Variants in PRELID2 observed in about 807,000 individuals in gnomAD.
PRELID2 encodes PRELI domain containing 2, also known as PRELI domain-containing protein 2.
PRELID2 carries 25 observed loss-of-function variants against 28.4 expected under a neutral mutation model. The ratio of observed to expected loss-of-function variants is 0.88; its 90% confidence interval spans 0.64 to 1.23. PRELID2 has a LOEUF of 1.23. Ranked by LOEUF, PRELID2 falls within the 50% of genes most tolerant of loss-of-function variation. The probability of loss-of-function intolerance (pLI) is 0.00; values close to 1 mark genes in which losing one functional copy is unlikely to be tolerated. For missense variants in PRELID2, 201 were observed against 214.4 expected, an observed-to-expected ratio of 0.94 and a Z score of 0.39; for synonymous variants, 76 against 71.6, an observed-to-expected ratio of 1.06 and a Z score of -0.31.
intron 1 of PRELID2, among the ~76,000 whole-genome samples, chr5:145,556,928 C>A (rs951984686): frequency 2.0e-5 from 3 of 152,064 alleles, no homozygotes; most frequent in Non-Finnish European, 4.4e-5. Flanking sequence ...TTCAGGGAAG[C>A]CTTTTCTCAT....
intron 1 of PRELID2, among the ~76,000 whole-genome samples, chr5:145,506,936 A>C (rs1454200816): frequency 6.6e-6 from 1 of 151,898 alleles, no homozygotes; most frequent in Non-Finnish European, 1.5e-5. Context: ...TGTTTTGTTT[A>C]TTGTATGCAT....
chr5:145,648,935 C>T (rs918778490), intron 1 of PRELID2, among the ~76,000 whole-genome samples: 28 of 151,898 alleles, frequency 1.8e-4, no homozygotes, highest in Non-Finnish European at 2.2e-4. Context: ...CTTTATGATG[C>T]TGTGAGAGTG....
At chr5:145,535,531 C>T (rs1385061390) in intron 1 of PRELID2, among the ~76,000 whole-genome samples, 3 of 151,674 alleles carry the variant, frequency 2.0e-5, no homozygotes, top group African/African-American at 7.3e-5. Context: ...TATTATATTT[C>T]AAAAGGCAAG....
At chr5:145,531,540 C>T (rs577283750) in intron 1 of PRELID2, among the ~76,000 whole-genome samples, 1 of 152,298 alleles carries the variant, frequency 6.6e-6, no homozygotes, top group African/African-American at 2.4e-5. Context: ...TATGATTCAC[C>T]TCACAGGACT....
At chr5:145,249,893 T>C in the PRELID2 span, among the ~76,000 whole-genome samples, 3 of 151,904 alleles carry the variant, frequency 2.0e-5, no homozygotes, top group South Asian at 4.1e-4. Flanking sequence ...TTCCATTCTT[T>C]GTCAGTATAG....
intron 1 of PRELID2, among the ~76,000 whole-genome samples, chr5:145,696,979 A>G (rs113525092): frequency 0.047 from 6,907 of 147,430 alleles, 580 homozygotes; most frequent in African/African-American, 0.16. Flanking sequence ...AGCAAATGAT[A>G]GAGGCAGGGG....
intron 1 of PRELID2, among the ~76,000 whole-genome samples, chr5:145,497,161 G>A (rs1046515241): frequency 6.6e-6 from 1 of 152,140 alleles, no homozygotes; most frequent in Non-Finnish European, 1.5e-5. Context: ...ACCATGCCCA[G>A]CTCAGTCTAG....
intron 4 of PRELID2, among the ~76,000 whole-genome samples, chr5:145,812,008 G>T (rs553006125): frequency 1.3e-5 from 2 of 152,278 alleles, no homozygotes; most frequent in Admixed American, 1.3e-4. Context: ...GCTTCAGAGG[G>T]AGATGACCTC....
intron 1 of PRELID2, among the ~76,000 whole-genome samples, chr5:145,602,178 G>A (rs2149638501): frequency 6.6e-6 from 1 of 152,264 alleles, no homozygotes; most frequent in South Asian, 2.1e-4. Flanking sequence ...TAAAGCCCAA[G>A]GAGTTATGGG....
intron 1 of PRELID2, among the ~76,000 whole-genome samples, chr5:145,635,531 A>G (rs1185228787): frequency 1.3e-5 from 2 of 152,216 alleles, no homozygotes; most frequent in Admixed American, 1.3e-4. Context: ...TGAAGAAGAA[A>G]CTGAAATTTA....
At chr5:145,567,570 G>A (rs987473694) in intron 1 of PRELID2, among the ~76,000 whole-genome samples, 2 of 152,050 alleles carry the variant, frequency 1.3e-5, no homozygotes, top group South Asian at 4.1e-4. Context: ...TAGAGATGGG[G>A]TTTCACCATT....
At chr5:145,376,592 G>T in the PRELID2 span, among the ~76,000 whole-genome samples, 1 of 151,992 alleles carries the variant, frequency 6.6e-6, no homozygotes, top group Non-Finnish European at 1.5e-5. Flanking sequence ...GTCTGTTTAG[G>T]GATTCAGTTC....
At chr5:145,818,598 G>A (rs1221365300) in intron 3 of PRELID2, among the ~76,000 whole-genome samples, 1 of 152,140 alleles carries the variant, frequency 6.6e-6, no homozygotes, top group South Asian at 2.1e-4. Context: ...TAGATTCAGA[G>A]TGAGTATATA....
chr5:145,313,671 G>A, the PRELID2 span, among the ~76,000 whole-genome samples: 2 of 152,112 alleles, frequency 1.3e-5, no homozygotes, highest in Non-Finnish European at 2.9e-5. Context: ...CGTAGGAGGC[G>A]GCGCAATTCT....
the PRELID2 span, among the ~76,000 whole-genome samples, chr5:145,383,019 TGAAA>T: frequency 6.6e-6 from 1 of 151,880 alleles, no homozygotes; most frequent in African/African-American, 2.4e-5. Context: ...ATTCATAGAT[TGAAA>T]GACTCAACAT....
chr5:145,300,798 G>A, the PRELID2 span, among the ~76,000 whole-genome samples: 1 of 138,552 alleles, frequency 7.2e-6, no homozygotes, highest in Non-Finnish European at 1.5e-5. Flanking sequence ...CTTTCCTTCT[G>A]TTTTTTGCCA....
At chr5:145,589,501 G>A (rs1753199430) in intron 1 of PRELID2, among the ~76,000 whole-genome samples, 1 of 152,040 alleles carries the variant, frequency 6.6e-6, no homozygotes, top group Non-Finnish European at 1.5e-5. Context: ...ACAGGCATAA[G>A]TCACATCACT....
At chr5:145,337,688 T>C in the PRELID2 span, among the ~76,000 whole-genome samples, 4 of 4,270 alleles carry the variant, frequency 9.4e-4, no homozygotes, top group African/African-American at 4.8e-3. Context: ...ATAGGGCAAA[T>C]ATATATATAT....
At chr5:145,600,872 G>T (rs1406182692) in intron 1 of PRELID2, among the ~76,000 whole-genome samples, 4 of 152,148 alleles carry the variant, frequency 2.6e-5, no homozygotes, top group Admixed American at 2.6e-4. Context: ...ATAAGCCCAG[G>T]CTGGTGTGAT....
Sources: gnomAD v4.1 joint callset for allele counts (sites outside exome capture counted in the v4.1 genomes callset) on GRCh38, gnomAD v4.1.1 for gene constraint, MANE v1.5 for transcripts, NCBI Gene and HGNC (gene_info 2026-07-23, HGNC 2026-07-21) for gene names.